The following EPHA5 variants were observed in gnomAD, a reference collection of about 807,000 sequenced individuals.
EPHA5 encodes ephrin type-A receptor 5.
A neutral mutation model predicts 105.0 loss-of-function variants in EPHA5; 60 were observed. That is an observed-to-expected ratio of 0.57 (90% CI 0.46 to 0.71). The LOEUF (loss-of-function observed/expected upper bound fraction) is 0.71. Ranked by LOEUF, EPHA5 falls within the 30% of genes least tolerant of loss-of-function variation. The probability of loss-of-function intolerance (pLI) is 0.00; values close to 1 mark genes in which losing one functional copy is unlikely to be tolerated. For synonymous variants in EPHA5, 513 were observed against 449.1 expected (o/e 1.14, Z -1.80); for missense variants, 1,218 against 1,274.7 (o/e 0.96, Z 0.68).
intron 3 of EPHA5, among the ~76,000 whole-genome samples, chr4:65,502,411 A>AT (rs1578268603): frequency 6.8e-6 from 1 of 147,362 alleles, no homozygotes; most frequent in East Asian, 2.0e-4. Flanking sequence ...ACAAGCAAAA[A>AT]AAAAATATAT....
At chr4:65,562,916 G>A (rs758542798) in intron 3 of EPHA5, among the ~76,000 whole-genome samples, 2 of 151,910 alleles carry the variant, frequency 1.3e-5, no homozygotes, top group African/African-American at 4.8e-5. Context: ...GTTCAAGGCT[G>A]CAATGGGCTT....
At chr4:65,568,706 T>C (rs558830861) in intron 3 of EPHA5, among the ~76,000 whole-genome samples, 22 of 151,076 alleles carry the variant, frequency 1.5e-4, no homozygotes, top group African/African-American at 4.6e-4. Context: ...TCAATAGAAA[T>C]AATATCTTAA....
At chr4:65,552,471 C>T (rs1431228159) in intron 3 of EPHA5, among the ~76,000 whole-genome samples, 2 of 152,072 alleles carry the variant, frequency 1.3e-5, no homozygotes, top group Admixed American at 1.3e-4. Context: ...CTTTGGATGG[C>T]ATTAGATTTT....
chr4:65,446,975 ATTTTTTTTTT>A (rs397993760), intron 5 of EPHA5, among the ~76,000 whole-genome samples: 1 of 112,918 alleles, frequency 8.9e-6, no homozygotes, highest in South Asian at 2.8e-4. Context: ...TTAAAAGCTC[ATTTTTTTTTT>A]TTTTTTTTTT....
chr4:65,404,278 T>C, intron 8 of EPHA5, 96 bp downstream of exon 8: 1 of 874,384 alleles, frequency 1.1e-6, no homozygotes, highest in Non-Finnish European at 1.9e-6. Flanking sequence ...ATTGCTTGCC[T>C]GATTTGTTTT....
chr4:65,345,921 C>T (rs186691553), intron 14 of EPHA5, among the ~76,000 whole-genome samples: 75 of 152,012 alleles, frequency 4.9e-4, no homozygotes, highest in African/African-American at 1.7e-3. Context: ...TACAGGCGCC[C>T]GCCACCACGC....
intron 3 of EPHA5, among the ~76,000 whole-genome samples, chr4:65,591,188 G>T (rs13144949): frequency 0.38 from 57,479 of 151,766 alleles, 11,426 homozygotes; most frequent in African/African-American, 0.51. Context: ...CACATGGAAG[G>T]ATCATTGCAT....
intron 6 of EPHA5, among the ~76,000 whole-genome samples, chr4:65,415,983 T>C (rs1723346938): frequency 6.6e-6 from 1 of 152,092 alleles, no homozygotes; most frequent in African/African-American, 2.4e-5. Context: ...TTATTATTTC[T>C]CCATATTATT....
intron 5 of EPHA5, among the ~76,000 whole-genome samples, chr4:65,433,951 A>G (rs767170473): frequency 2.6e-4 from 39 of 152,258 alleles, no homozygotes; most frequent in Non-Finnish European, 5.0e-4. Context: ...TCTACTCGGG[A>G]GGCTGATGCA....
At chr4:65,534,180 A>G (rs926718924) in intron 3 of EPHA5, among the ~76,000 whole-genome samples, 1 of 152,194 alleles carries the variant, frequency 6.6e-6, no homozygotes, top group Non-Finnish European at 1.5e-5. Context: ...TTTATGTAAC[A>G]TTCTATGAAA....
At chr4:65,457,267 C>T (rs954672350) in intron 5 of EPHA5, among the ~76,000 whole-genome samples, 1 of 152,106 alleles carries the variant, frequency 6.6e-6, no homozygotes, top group Non-Finnish European at 1.5e-5. Context: ...TCTACTTAGG[C>T]TTCTAGTGAC....
rs185177628 is a variant in EPHA5, at chr4:65,642,156, A to G, written c.246+1207T>C. Among the ~76,000 whole-genome samples the G allele has an allele frequency of 1.1e-4, 17 of 152,206 alleles. No individual in the cohort carries two copies. In the East Asian group the frequency reaches 3.3e-3, roughly 29 times the overall value. On this transcript the variant is annotated intron_variant, in intron 2 of 16. Coordinates refer to ENST00000613740, the MANE Select transcript of EPHA5 (RefSeq NM_001281766.3). ...AAAATTAATTTCAACACAGCACATC[A>G]GCCATCCTCTCAGAAAGAAAAAAAA...
intron 2 of EPHA5, among the ~76,000 whole-genome samples, chr4:65,626,818 G>T (rs902783756): frequency 6.6e-6 from 1 of 152,148 alleles, no homozygotes; most frequent in Non-Finnish European, 1.5e-5. Context: ...CAATAGATGA[G>T]ATTATATAGA....
chr4:65,407,191 CT>C (rs2148997661), intron 7 of EPHA5, among the ~76,000 whole-genome samples: 1 of 152,154 alleles, frequency 6.6e-6, no homozygotes, highest in South Asian at 2.1e-4. Context: ...TTCTCAAATG[CT>C]CAGTCTAGCA....
At chr4:65,656,588 T>TATATATATATA (rs1353601582) in intron 1 of EPHA5, among the ~76,000 whole-genome samples, 1 of 147,082 alleles carries the variant, frequency 6.8e-6, no homozygotes, top group African/African-American at 2.5e-5. Flanking sequence ...ATATATATAT[T>TATATATATATA]ATATATATAT....
chr4:65,420,240 C>G (rs550188015), intron 6 of EPHA5, among the ~76,000 whole-genome samples: 26 of 152,182 alleles, frequency 1.7e-4, no homozygotes, highest in Admixed American at 8.5e-4. Context: ...TATATCTAAG[C>G]AGTGTAAACT....
chr4:65,398,890 T>C (rs947294041), intron 8 of EPHA5, among the ~76,000 whole-genome samples: 1 of 152,170 alleles, frequency 6.6e-6, no homozygotes, highest in African/African-American at 2.4e-5. Flanking sequence ...AAGCACCCCT[T>C]AACCTTGCTC....
intron 5 of EPHA5, among the ~76,000 whole-genome samples, chr4:65,476,758 TTAAC>T (rs1289317503): frequency 1.3e-5 from 2 of 152,098 alleles, no homozygotes; most frequent in South Asian, 2.1e-4. Flanking sequence ...AGAAGAAAGA[TTAAC>T]TAAGTAGGCT....
intron 2 of EPHA5, among the ~76,000 whole-genome samples, chr4:65,637,225 G>GA (rs1553958685): frequency 7.2e-6 from 1 of 139,040 alleles, no homozygotes; most frequent in Non-Finnish European, 1.5e-5. Context: ...GCACAGAAAA[G>GA]TTTTTTTTTT....
Sources: allele counts gnomAD v4.1 joint callset (sites outside exome capture counted in the v4.1 genomes callset), GRCh38; gene constraint gnomAD v4.1.1; transcripts MANE v1.5; gene names NCBI Gene and HGNC (gene_info 2026-07-23, HGNC 2026-07-21).